Variants in INO80 observed in about 807,000 individuals in gnomAD.
The protein encoded by INO80 is chromatin-remodeling ATPase INO80.
A neutral mutation model predicts 203.4 loss-of-function variants in INO80; 20 were observed. The observed-to-expected ratio is 0.10, with a 90% confidence interval of 0.07 to 0.14. The LOEUF (loss-of-function observed/expected upper bound fraction) is 0.14, where lower values mean the gene tolerates loss of function less well. Ranked by LOEUF, INO80 falls within the 10% of genes least tolerant of loss-of-function variation. The pLI is 1.00. For missense variants in INO80, 1,419 were observed against 1,914.4 expected, an observed-to-expected ratio of 0.74 and a Z score of 4.83; for synonymous variants, 726 against 685.2, an observed-to-expected ratio of 1.06 and a Z score of -0.93.
At chr15:41,079,603 A>G in intron 9 of INO80, 98 bp downstream of exon 9, 2 of 1,043,256 alleles carry the variant, frequency 1.9e-6, no homozygotes, top group Non-Finnish European at 2.9e-6. Flanking sequence ...AAAAATTGAC[A>G]GTGTCATTGG....
chr15:41,093,235 G>C (rs2045670913), intron 4 of INO80, among the ~76,000 whole-genome samples: 1 of 151,822 alleles, frequency 6.6e-6, no homozygotes, highest in Admixed American at 6.6e-5. Context: ...GAACAGCCTG[G>C]CTAACATGGT....
chr15:41,096,420 G>A lies in INO80; in HGVS notation c.-43-67C>T, dbSNP rs1004573227. On this transcript the variant is annotated intron_variant, in intron 1 of 35. Transcript: ENST00000648947. ...CATTCTCCCTTTCTCTTGCCTGCTT[G>A]TTCCCAATGTGAAGAGAAATCAGAC... is the stretch of plus-strand genomic sequence containing the variant. 9.5e-6 allele frequency: 11 copies of A among 1,152,746 alleles called. No individual in the cohort carries two copies. In the African/African-American group the frequency reaches 1.5e-4, roughly 15 times the overall value. The allele number at this position is 1,152,746 out of a possible 1,614,324, so 71.4% of individuals were successfully genotyped here. A position where few individuals can be genotyped will look rare whatever the true frequency, so the allele number is the denominator to read the frequency against.
chr15:41,110,496 T>C (rs1172113569), intron 1 of INO80, among the ~76,000 whole-genome samples: 2 of 152,138 alleles, frequency 1.3e-5, no homozygotes, highest in African/African-American at 2.4e-5. Context: ...TGGAGTGCAG[T>C]GGCAGGATCA....
Position 40,993,455 on chromosome 15 carries a change from G to A in INO80, c.3570+4074C>T, listed in dbSNP as rs560273181. Among the ~76,000 whole-genome samples the A allele has an allele frequency of 3.3e-5, 5 of 152,244 alleles. 1 individual carries two copies. The South Asian group carries it at 1.0e-3, about 32-fold the overall frequency. ...TCTTAAATATCATCTACAACCTGAT[G>A]ATTTGAAAATACAGCTTTAAGGCCA... On this transcript the variant is annotated intron_variant, in intron 29 of 35. Transcript: ENST00000648947.
In INO80 at chr15:41,038,014, T is replaced by TC. The variant is rs1445637293; in HGVS notation, c.2907+6889_2907+6890insG. On this transcript the variant is annotated intron_variant, in intron 24 of 35. Coordinates refer to ENST00000648947, the MANE Select transcript of INO80 (RefSeq NM_017553.3). ...TCTCTTGCCCCTCTTCCCTTTTCTT[T>TC]TTTTTTTTTTTTTTTTTTGAGATGG... Among the ~76,000 whole-genome samples the TC allele has an allele frequency of 3.8e-5, 5 of 130,164 alleles. No homozygotes were observed. The South Asian group carries it at 7.9e-4, about 21-fold the overall frequency. 85.4% of individuals were successfully genotyped at this position (130,164 alleles called of 152,430 possible). A position where few individuals can be genotyped will look rare whatever the true frequency, so the allele number is the denominator to read the frequency against.
intron 24 of INO80, among the ~76,000 whole-genome samples, chr15:41,042,768 C>T (rs2044691384): frequency 6.6e-6 from 1 of 152,146 alleles, no homozygotes. Context: ...GCCACCACGC[C>T]CGGCTGACAG....
chr15:41,027,795 G>GA lies in INO80; in HGVS notation c.2908-60dup, dbSNP rs11461974. On this transcript the variant is annotated intron_variant, in intron 24 of 35. Coordinates refer to ENST00000648947, the MANE Select transcript of INO80 (RefSeq NM_017553.3). ...TAATTATGTTTAATGTAAGCAAAAT[G>GA]AAAAAAAAAGCCACATATTAAACAT... 6.4e-3 allele frequency: 8,200 copies of GA among 1,283,058 alleles called. 282 individuals are homozygous for GA. The African/African-American group carries it at 0.097, about 15-fold the overall frequency. 79.5% of individuals were successfully genotyped at this position (1,283,058 alleles called of 1,614,324 possible).
intron 9 of INO80, among the ~76,000 whole-genome samples, chr15:41,077,250 G>C (rs1362888933): frequency 6.8e-6 from 1 of 148,090 alleles, no homozygotes; most frequent in African/African-American, 2.5e-5. Context: ...GAGCATTATT[G>C]GTCCAAGAGT....
Position 41,074,235 on chromosome 15 carries a change from C to A in INO80, c.1327+135G>T, listed in dbSNP as rs2045366936. The A allele has an allele frequency of 1.3e-5, 7 of 533,132 alleles. No homozygotes were observed. In the South Asian group the frequency reaches 2.5e-4, roughly 19 times the overall value. 33.0% of individuals were successfully genotyped at this position (533,132 alleles called of 1,614,324 possible). ...CTGTTATAGAAACACACTTTCCCTA[C>A]TCCAGTACAATAAATCTCTCTTTTC... On this transcript the variant is annotated intron_variant, in intron 10 of 35. Coordinates refer to ENST00000648947, the MANE Select transcript of INO80 (RefSeq NM_017553.3).
chr15:41,099,390 T>C (rs548406728), intron 1 of INO80, among the ~76,000 whole-genome samples: 4 of 151,586 alleles, frequency 2.6e-5, no homozygotes, highest in African/African-American at 4.8e-5. Context: ...ACCAAAAATA[T>C]ATTCAAAATA....
intron 1 of INO80, among the ~76,000 whole-genome samples, chr15:41,100,474 C>T (rs1396166555): frequency 6.6e-6 from 1 of 152,188 alleles, no homozygotes; most frequent in Non-Finnish European, 1.5e-5. Context: ...TCTAGTCTTA[C>T]AATCCTCAAT....
intron 1 of INO80, among the ~76,000 whole-genome samples, chr15:41,101,443 G>T (rs1028593330): frequency 3.9e-5 from 6 of 152,098 alleles, no homozygotes; most frequent in Non-Finnish European, 8.8e-5. Context: ...TCTTGGAAGA[G>T]CCTGAAGAGC....
In INO80 at chr15:40,993,950, C is replaced by T. The variant is rs1410212179; in HGVS notation, c.3570+3579G>A. Among the ~76,000 whole-genome samples, 2 of 152,034 alleles carry T rather than the reference C, an allele frequency of 1.3e-5. 1 individual carries two copies. The highest frequency in any genetic ancestry group is 1.3e-4 in the Admixed American group (2 of 15,246). On this transcript the variant is annotated intron_variant, in intron 29 of 35. Transcript: ENST00000648947. ...ACTCTAAACAGAAGCTAGAAGGATG[C>T]ATTTAAAACTCAAACCAGATCATGT...
At chr15:41,096,721 G>A (rs2045729887) in intron 1 of INO80, among the ~76,000 whole-genome samples, 1 of 152,116 alleles carries the variant, frequency 6.6e-6, no homozygotes, top group Non-Finnish European at 1.5e-5. Context: ...CAAGCTCACT[G>A]TTGTGCACCT....
rs1185265541 is a variant in INO80, at chr15:41,032,008, C to G, written c.2908-4272G>C. Among the ~76,000 whole-genome samples the G allele has an allele frequency of 7.3e-3, 441 of 60,080 alleles. 6 individuals carry two copies. The highest frequency in any genetic ancestry group is 0.011 in the Non-Finnish European group (299 of 26,230). 39.4% of individuals were successfully genotyped at this position (60,080 alleles called of 152,430 possible). ...CACAGCACAGCACAGGACAGCACAG[C>G]ACAGCACAGCACAGCACAGCACAGC... On this transcript the variant is annotated intron_variant, in intron 24 of 35. Transcript: ENST00000648947.
chr15:40,988,891 T>G (rs1367032616), intron 29 of INO80, among the ~76,000 whole-genome samples: 2 of 151,998 alleles, frequency 1.3e-5, no homozygotes, highest in East Asian at 3.9e-4. Context: ...AGTGCGTGCC[T>G]GCAATCCCAG....
intron 1 of INO80, among the ~76,000 whole-genome samples, chr15:41,099,453 G>C (rs1157779390): frequency 6.6e-6 from 1 of 151,792 alleles, no homozygotes; most frequent in Non-Finnish European, 1.5e-5. Flanking sequence ...TTTGTAAATT[G>C]TCAGTCTTGG....
At position 41,050,077 on chromosome 15, in the gene INO80, A is replaced by G. The variant is rs1161560193; in HGVS notation, c.2300T>C (p.Leu767Pro). 1.2e-6 allele frequency: 2 copies of G among 1,612,814 alleles called. No homozygotes were observed. The highest frequency in any genetic ancestry group is 8.5e-7 in the Non-Finnish European group (1 of 1,179,128). The change falls in exon 20 of 36, where the codon CTG becomes CCG. Residue 767 changes from leucine to proline, a missense_variant. Leu to Pro is a moderately conservative substitution (Grantham distance 98). This residue lies in a region of INO80 where 192 missense variants were observed against 406.7 expected (regional missense o/e 0.47). Coordinates refer to ENST00000648947, the MANE Select transcript of INO80 (RefSeq NM_017553.3). Reference sequence around the variant, plus strand: ...ATATAGCAGCTTCTGTCGGCTGGTCAGTTGGCAATACATTAGAATCTCAAT... The same window carrying G: ...ATATAGCAGCTTCTGTCGGCTGGTCGGTTGGCAATACATTAGAATCTCAAT... Reference protein sequence around the residue: ...DKIEILMYCQLTSRQKLLYQA... With the variant: ...DKIEILMYCQPTSRQKLLYQA...
intron 25 of INO80, among the ~76,000 whole-genome samples, chr15:41,026,697 G>A (rs1173875190): frequency 6.6e-6 from 1 of 152,172 alleles, no homozygotes; most frequent in Admixed American, 6.5e-5. Flanking sequence ...ACGGAAAGTT[G>A]CCTCTTGGAG....
Sources: gnomAD v4.1 joint callset for allele counts (sites outside exome capture counted in the v4.1 genomes callset) on GRCh38, gnomAD v4.1.1 for gene constraint, gnomAD v4.1.1 regional missense constraint, MANE v1.5 for transcripts, NCBI Gene and HGNC (gene_info 2026-07-23, HGNC 2026-07-21) for gene names.